KAZN: variants seen among roughly 807,000 people sequenced by gnomAD.
The protein encoded by KAZN is kazrin.
KAZN carries 40 observed loss-of-function variants against 87.4 expected under a neutral mutation model. The ratio of observed to expected loss-of-function variants is 0.46; its 90% CI spans 0.36 to 0.60. The LOEUF (loss-of-function observed/expected upper bound fraction) is 0.60. Ranked by LOEUF, KAZN falls within the 20% of genes least tolerant of loss-of-function variation. KAZN has a pLI of 0.00. For synonymous variants in KAZN, 466 were observed against 458.3 expected (o/e 1.02, Z -0.22); for missense variants, 898 against 1,073.9 (o/e 0.84, Z 2.29).
intron 2 of KAZN, among the ~76,000 whole-genome samples, chr1:15,018,902 G>C (rs910153302): frequency 1.3e-5 from 2 of 152,078 alleles, no homozygotes; most frequent in African/African-American, 4.8e-5. Context: ...TTCAGATATC[G>C]TTTCCACCTG....
chr1:13,946,511 A>G (rs1409970527), intron 1 of KAZN, among the ~76,000 whole-genome samples: 1 of 152,220 alleles, frequency 6.6e-6, no homozygotes, highest in Non-Finnish European at 1.5e-5. Context: ...TTATGGTTAT[A>G]CTCACTGTAG....
intron 2 of KAZN, among the ~76,000 whole-genome samples, chr1:14,974,314 C>T (rs1281202317): frequency 6.6e-6 from 1 of 152,134 alleles, no homozygotes; most frequent in African/African-American, 2.4e-5. Context: ...CATTTGTGTC[C>T]AGCTTTGCAA....
chr1:15,026,134 C>T (rs1016156521), intron 2 of KAZN, among the ~76,000 whole-genome samples: 12 of 152,174 alleles, frequency 7.9e-5, no homozygotes, highest in Non-Finnish European at 1.2e-4. Flanking sequence ...GTCTCTTCCC[C>T]GGGGCTCTTT....
At chr1:14,608,889 A>C (rs548870494) in intron 1 of KAZN, among the ~76,000 whole-genome samples, 4 of 152,302 alleles carry the variant, frequency 2.6e-5, no homozygotes, top group African/African-American at 9.6e-5. Flanking sequence ...TATTTGCTTT[A>C]ATTTGGCAAG....
rs75321533 is a variant in KAZN, at chr1:13,976,899, A to G, written c.91+83143A>G. On this transcript the variant is annotated intron_variant, in intron 1 of 16. Transcript: ENST00000636203. ...TGCAGTGCTAGTCAGAAAAATGTAT[A>G]TGTTTAAATAGCATCTTACTTAATG... 8.2e-3 allele frequency among the ~76,000 whole-genome samples: 1,241 copies of G among 152,258 alleles called. 88 individuals carry two copies. In the East Asian group the frequency reaches 0.15, roughly 18 times the overall value.
intron 1 of KAZN, among the ~76,000 whole-genome samples, chr1:14,117,261 T>C (rs1291611799): frequency 6.6e-6 from 1 of 152,136 alleles, no homozygotes; most frequent in African/African-American, 2.4e-5. Flanking sequence ...TTCTCATGTA[T>C]TGTGGGAAGG....
chr1:14,520,912 C>G (rs1166125199), intron 2 of KAZN, among the ~76,000 whole-genome samples: 1 of 152,196 alleles, frequency 6.6e-6, no homozygotes, highest in Non-Finnish European at 1.5e-5. Context: ...CAGCTCCATT[C>G]CCTGGGCAGG....
rs1204758109 is a variant in KAZN at position 14,798,584 on chromosome 1, G to A, written c.227-162100G>A. On this transcript the variant is annotated intron_variant, in intron 1 of 14. Coordinates refer to ENST00000376030, the MANE Select transcript of KAZN (RefSeq NM_201628.3). ...AGATTAGCTGGGACTACAGGCGCCC[G>A]CCACCACACCCGGCTAATTTTTTGT... 1.3e-4 allele frequency among the ~76,000 whole-genome samples: 20 copies of A among 151,038 alleles called. No individual in the cohort carries two copies. The East Asian group carries it at 2.9e-3, about 22-fold the overall frequency.
chr1:14,658,205 G>A (rs1242603275), intron 1 of KAZN, among the ~76,000 whole-genome samples: 2 of 152,188 alleles, frequency 1.3e-5, no homozygotes, highest in Admixed American at 6.5e-5. Context: ...GAGCTGGAGC[G>A]GGACCTGCCA....
At chr1:14,722,075 C>A (rs1353248211) in intron 1 of KAZN, among the ~76,000 whole-genome samples, 1 of 151,858 alleles carries the variant, frequency 6.6e-6, no homozygotes, top group Non-Finnish European at 1.5e-5. Context: ...TTGCTTGAAC[C>A]CAGGAGGCGG....
chr1:14,411,747 A>G (rs1664321477), intron 2 of KAZN, among the ~76,000 whole-genome samples: 1 of 152,260 alleles, frequency 6.6e-6, no homozygotes, highest in Non-Finnish European at 1.5e-5. Context: ...AAAACATGTG[A>G]TTCAACAGAA....
intron 1 of KAZN, among the ~76,000 whole-genome samples, chr1:14,142,143 G>C (rs1281896322): frequency 7.7e-6 from 1 of 129,176 alleles, no homozygotes; most frequent in Admixed American, 9.1e-5. Flanking sequence ...CTTAAAACCA[G>C]ATGGAGGTAG....
At chr1:15,070,308 G>A (rs1639449560) in intron 8 of KAZN, among the ~76,000 whole-genome samples, 1 of 152,204 alleles carries the variant, frequency 6.6e-6, no homozygotes, top group Non-Finnish European at 1.5e-5. Context: ...TTTCCCCGCA[G>A]GCCCAGAAAG....
At chr1:14,910,213 C>CATG (rs1657099519) in intron 1 of KAZN, among the ~76,000 whole-genome samples, 1 of 152,166 alleles carries the variant, frequency 6.6e-6, no homozygotes, top group African/African-American at 2.4e-5. Context: ...CATTCCTGAC[C>CATG]TTTAGCCATG....
intron 1 of KAZN, among the ~76,000 whole-genome samples, chr1:14,907,259 G>A (rs1203065278): frequency 6.6e-6 from 1 of 151,846 alleles, no homozygotes; most frequent in East Asian, 1.9e-4. Context: ...ACAATTAGCA[G>A]GGCATGGTGG....
At chr1:13,994,273 C>T (rs1639411979) in intron 1 of KAZN, among the ~76,000 whole-genome samples, 1 of 152,196 alleles carries the variant, frequency 6.6e-6, no homozygotes, top group Admixed American at 6.5e-5. Context: ...GGATTGTAGG[C>T]ACAAAAGCAT....
At chr1:14,178,937 C>T (rs901322166) in intron 1 of KAZN, among the ~76,000 whole-genome samples, 11 of 152,302 alleles carry the variant, frequency 7.2e-5, no homozygotes, top group South Asian at 2.1e-4. Context: ...TTAATTTCTA[C>T]ACCCTGGCCC....
chr1:14,603,032 C>T (rs1373816162), intron 1 of KAZN, among the ~76,000 whole-genome samples: 1 of 152,170 alleles, frequency 6.6e-6, no homozygotes, highest in Admixed American at 6.5e-5. Flanking sequence ...TACTTAAGGC[C>T]TGACAGCTCT....
chr1:13,996,284 C>T (rs1229893353), intron 1 of KAZN, among the ~76,000 whole-genome samples: 1 of 152,162 alleles, frequency 6.6e-6, no homozygotes, highest in Non-Finnish European at 1.5e-5. Flanking sequence ...AGATTCTCAA[C>T]AGCCTCTCAG....
Sources: gnomAD v4.1 joint callset for allele counts (sites outside exome capture counted in the v4.1 genomes callset) on GRCh38, gnomAD v4.1.1 for gene constraint, MANE v1.5 for transcripts, NCBI Gene and HGNC (gene_info 2026-07-23, HGNC 2026-07-21) for gene names.